Variants in POLR1A observed in about 807,000 individuals in gnomAD.
POLR1A encodes the protein RNA polymerase I subunit A.
Under a neutral mutation model 205.3 loss-of-function variants are expected in POLR1A, and 84 were observed. The ratio of observed to expected loss-of-function variants is 0.41; its 90% CI spans 0.34 to 0.49. The LOEUF (loss-of-function observed/expected upper bound fraction) is 0.49, where lower values mean the gene tolerates loss of function less well. POLR1A is among the 20% of genes least tolerant of loss of function. The pLI, the probability that POLR1A is intolerant of heterozygous loss-of-function variation, is 0.22. For synonymous variants in POLR1A, 799 were observed against 863.7 expected (o/e 0.93, Z 1.31); for missense variants, 1,645 against 2,204.5 (o/e 0.75, Z 5.08).
rs568597451 is a variant in POLR1A, at chr2:86,047,381, A to G, written c.2635-118T>C. Reference sequence around the variant, plus strand: ...CCAGAATATTTATTCAGACCTAAGTACCAAATCCCACTCGAGGTAAGAGAA... The same window carrying G: ...CCAGAATATTTATTCAGACCTAAGTGCCAAATCCCACTCGAGGTAAGAGAA... On this transcript the variant is annotated intron_variant, in intron 18 of 33. Coordinates refer to ENST00000263857, the MANE Select transcript of POLR1A (RefSeq NM_015425.6). 9.0e-5 allele frequency: 60 copies of G among 667,754 alleles called. No individual in the cohort carries two copies. The East Asian group carries it at 1.5e-3, about 17-fold the overall frequency. The allele number at this position is 667,754 out of a possible 1,614,324, so 41.4% of individuals were successfully genotyped here.
intron 4 of POLR1A, 56 bp downstream of exon 4, chr2:86,089,766 G>T (rs142842124): frequency 9.4e-7 from 1 of 1,069,368 alleles, no homozygotes; most frequent in Admixed American, 1.7e-5. Context: ...CAACACAGAG[G>T]GAAAGTGATA....
At chr2:86,036,437 G>A (rs1307410211) in intron 27 of POLR1A, among the ~76,000 whole-genome samples, 1 of 152,016 alleles carries the variant, frequency 6.6e-6, no homozygotes, top group Non-Finnish European at 1.5e-5. Context: ...TCCAGGCTCT[G>A]TCAAGGGTCT....
Position 86,078,293 on chromosome 2 carries a change from T to C in POLR1A, c.1087-9A>G, listed in dbSNP as rs765847811. 1.9e-6 allele frequency: 3 copies of C among 1,560,122 alleles called. No individual in the cohort carries two copies. The highest frequency in any genetic ancestry group is 8.6e-7 in the Non-Finnish European group (1 of 1,158,490). On this transcript the variant is annotated splice_polypyrimidine_tract_variant and intron_variant, in intron 9 of 33. Coordinates refer to ENST00000263857, the MANE Select transcript of POLR1A (RefSeq NM_015425.6). Reference sequence around the variant, plus strand: ...ATCAAAGAGTCTTTTTCCTGGAAGATGAAACCAAGAAAACAGGGATGATGG... The same window carrying C: ...ATCAAAGAGTCTTTTTCCTGGAAGACGAAACCAAGAAAACAGGGATGATGG...
At chr2:86,051,060 C>A (rs1369054273) in intron 16 of POLR1A, among the ~76,000 whole-genome samples, 4 of 152,184 alleles carry the variant, frequency 2.6e-5, no homozygotes, top group African/African-American at 9.6e-5. Flanking sequence ...AATCTGGACG[C>A]AGCCTAAATG....
rs376601511 is a variant in POLR1A, at chr2:86,100,148, C to T, written c.102G>A (p.Thr34=). The part of the protein sequence containing the change: ...ELKKLSVKSI[T]NPRYLDSLGN... ...CCAGGCTGTCCAGGTATCGAGGGTT[C>T]GTAATGGATTTAACACTTAATTTCC... The change falls in exon 2 of 34, where the codon ACG becomes ACA. Residue 34 remains threonine, a synonymous_variant. Coordinates refer to ENST00000263857, the MANE Select transcript of POLR1A (RefSeq NM_015425.6). The T allele has an allele frequency of 1.2e-4, 196 of 1,613,748 alleles. No homozygotes were observed. The highest frequency in any genetic ancestry group is 1.6e-4 in the Non-Finnish European group (184 of 1,179,828).
intron 3 of POLR1A, among the ~76,000 whole-genome samples, chr2:86,096,061 T>G (rs1439915587): frequency 6.6e-6 from 1 of 152,012 alleles, no homozygotes; most frequent in Non-Finnish European, 1.5e-5. Context: ...ACCTAGACTC[T>G]ACCAAAAACC....
At chr2:86,044,451 C>T in intron 21 of POLR1A, 147 bp from the exon 22 acceptor site, 3 of 782,960 alleles carry the variant, frequency 3.8e-6, no homozygotes, top group Non-Finnish European at 6.0e-6. Flanking sequence ...AGATCCAATG[C>T]CCCGGGGTCT....
intron 28 of POLR1A, among the ~76,000 whole-genome samples, chr2:86,032,928 A>ACCTAGCATTTTC (rs1672422410): frequency 6.6e-6 from 1 of 152,156 alleles, no homozygotes; most frequent in South Asian, 2.1e-4. Context: ...AGCAGGAGAG[A>ACCTAGCATTTTC]CCTAGCATTT....
chr2:86,051,857 G>C (rs1672808444), intron 16 of POLR1A, among the ~76,000 whole-genome samples: 1 of 152,182 alleles, frequency 6.6e-6, no homozygotes, highest in African/African-American at 2.4e-5. Context: ...TCATTTCTGG[G>C]GTGCAAACAA....
chr2:86,031,274 G>C lies in POLR1A; in HGVS notation c.4578+56C>G. The C allele has an allele frequency of 5.3e-6, 8 of 1,505,892 alleles. No individual in the cohort carries two copies. The South Asian group carries it at 1.1e-4, about 20-fold the overall frequency. The allele number at this position is 1,505,892 out of a possible 1,614,324, so 93.3% of individuals were successfully genotyped here. On this transcript the variant is annotated intron_variant, in intron 30 of 33. Coordinates refer to ENST00000263857, the MANE Select transcript of POLR1A (RefSeq NM_015425.6). ...GAGCTCAGCAGGCCCCTTCCACAGAGGGATTTGGCCAGCTGGACCAACCAC... is the reference window on the plus strand; with the variant it reads ...GAGCTCAGCAGGCCCCTTCCACAGACGGATTTGGCCAGCTGGACCAACCAC...
chr2:86,097,214 C>CAAAAAAAAA (rs757210116), intron 3 of POLR1A, among the ~76,000 whole-genome samples: 1,716 of 39,702 alleles, frequency 0.043, 523 homozygotes, highest in Middle Eastern at 0.11. Context: ...CCCCAAAAGA[C>CAAAAAAAAA]AAAAAAAAAA....
At chr2:86,060,913 C>T (rs1337975597) in intron 14 of POLR1A, among the ~76,000 whole-genome samples, 2 of 152,116 alleles carry the variant, frequency 1.3e-5, no homozygotes, top group Non-Finnish European at 2.9e-5. Flanking sequence ...TATATATCTG[C>T]TAATGGACTT....
chr2:86,031,117 C>T (rs1172004406), intron 30 of POLR1A, among the ~76,000 whole-genome samples: 1 of 152,184 alleles, frequency 6.6e-6, no homozygotes. Flanking sequence ...TTATAGCCAT[C>T]ACCAGATTCC....
intron 24 of POLR1A, among the ~76,000 whole-genome samples, chr2:86,041,311 T>C (rs1672602705): frequency 6.8e-6 from 1 of 147,464 alleles, no homozygotes; most frequent in African/African-American, 2.5e-5. Flanking sequence ...TCTGTCCTAG[T>C]CCAAGCTGAG....
intron 13 of POLR1A, among the ~76,000 whole-genome samples, chr2:86,069,467 C>A (rs1160351353): frequency 6.6e-6 from 1 of 152,204 alleles, no homozygotes; most frequent in Non-Finnish European, 1.5e-5. Context: ...CTATCCTTCC[C>A]TCGTGTCCCT....
At chr2:86,054,481 G>T (rs1672860781) in intron 14 of POLR1A, among the ~76,000 whole-genome samples, 192 bp from the exon 15 acceptor site, 2 of 152,120 alleles carry the variant, frequency 1.3e-5, no homozygotes, top group Admixed American at 6.5e-5. Flanking sequence ...GTGATTTCAG[G>T]TTTTATTTAA....
intron 30 of POLR1A, among the ~76,000 whole-genome samples, chr2:86,030,984 G>A (rs1339503151): frequency 6.6e-6 from 1 of 152,176 alleles, no homozygotes; most frequent in African/African-American, 2.4e-5. Context: ...AAAGGAGGTG[G>A]TGTATTTGAA....
At position 86,030,303 on chromosome 2, in the gene POLR1A, C is replaced by T; in HGVS notation, c.4672G>A (p.Gly1558Ser). The T allele has an allele frequency of 6.2e-7, 1 of 1,613,952 alleles. No homozygotes were observed. The highest frequency in any genetic ancestry group is 8.5e-7 in the Non-Finnish European group (1 of 1,179,838). The change falls in exon 31 of 34, where the codon GGC becomes AGC. Residue 1558 changes from glycine (G) to serine (S), a missense_variant. By Grantham distance (56) the Gly-to-Ser change is moderately conservative. Around this residue, in one of 16 missense-constraint regions of POLR1A, gnomAD observed 394 missense variants for 468.5 expected, o/e 0.84. Transcript: ENST00000263857. ...AHGAVIYATK[G>S]ITRCLLNETT... ...TCATTCAGGAGGCACCGAGTGATGC[C>T]CTTGGTCGCATAGATGACGGCACCA...
rs893585641 is a variant in POLR1A at position 86,033,843 on chromosome 2, C to T, written c.4035-56G>A. The T allele has an allele frequency of 9.4e-6, 15 of 1,598,054 alleles. No individual in the cohort carries two copies. In the South Asian group the frequency reaches 1.0e-4, roughly 11 times the overall value. ...TGCAGTACCAGCATGTCCAGCCCTA[C>T]CCTCATTTGGGGGATAGGACGCTGA... On this transcript the variant is annotated intron_variant, in intron 27 of 33. Transcript: ENST00000263857.
Sources: gnomAD v4.1 joint callset for allele counts (sites outside exome capture counted in the v4.1 genomes callset) on GRCh38, gnomAD v4.1.1 for gene constraint, gnomAD v4.1.1 regional missense constraint, MANE v1.5 for transcripts, NCBI Gene and HGNC (gene_info 2026-07-23, HGNC 2026-07-21) for gene names.